The following AMMECR1 variants were observed in gnomAD, a reference collection of about 807,000 sequenced individuals.
AMMECR1 encodes AMMECR nuclear protein 1, also known as nuclear protein AMMECR1.
AMMECR1 carries 3 observed loss-of-function variants against 22.5 expected under a neutral mutation model. The observed-to-expected ratio is 0.13, with a 90% confidence interval of 0.06 to 0.35. AMMECR1 has a LOEUF of 0.35. Ranked by LOEUF, AMMECR1 falls within the 10% of genes least tolerant of loss-of-function variation. AMMECR1 has a pLI of 1.00. For synonymous variants in AMMECR1, 130 were observed against 116.7 expected (o/e 1.11, Z -0.74); for missense variants, 235 against 278.7 (o/e 0.84, Z 1.12).
chrX:110,237,999 C>T (rs1327051574), intron 2 of AMMECR1, among the ~76,000 whole-genome samples: 1 of 111,816 alleles, frequency 8.9e-6, no homozygotes, highest in Middle Eastern at 4.6e-3. Flanking sequence ...ACAGGACTTG[C>T]TTAAAGAGAA....
chrX:110,371,012 C>T (rs1435711694), intron 2 of AMMECR1, among the ~76,000 whole-genome samples: 1 of 111,796 alleles, frequency 8.9e-6, no homozygotes, highest in Non-Finnish European at 1.9e-5. Context: ...AGATTCCTTG[C>T]TATTATTCCT....
chrX:110,403,476 G>A (rs181012556), intron 2 of AMMECR1, among the ~76,000 whole-genome samples: 16 of 110,874 alleles, frequency 1.4e-4, no homozygotes, highest in South Asian at 1.2e-3. Context: ...ACGCATGCGC[G>A]CACACACATG....
chrX:110,391,566 G>A (rs776571162), intron 2 of AMMECR1, among the ~76,000 whole-genome samples: 2 of 111,863 alleles, frequency 1.8e-5, no homozygotes, highest in Non-Finnish European at 3.8e-5. Context: ...CTCAGGCTAC[G>A]ACTCTATGGC....
At chrX:110,329,112 C>G (rs1376052385) in intron 2 of AMMECR1, among the ~76,000 whole-genome samples, 1 of 112,380 alleles carries the variant, frequency 8.9e-6, no homozygotes, top group African/African-American at 3.2e-5. Context: ...TTCTCCACAT[C>G]CTCTCCAGCA....
intron 2 of AMMECR1, among the ~76,000 whole-genome samples, chrX:110,237,245 A>T (rs1023214518): frequency 1.5e-4 from 17 of 111,357 alleles, no homozygotes; most frequent in Admixed American, 3.8e-4. Flanking sequence ...GACTCTTTAG[A>T]TGAACATGGG....
chrX:110,355,894 A>G (rs1467645653), intron 2 of AMMECR1, among the ~76,000 whole-genome samples: 3 of 111,816 alleles, frequency 2.7e-5, no homozygotes, highest in Non-Finnish European at 5.6e-5. Context: ...GGAATACTAT[A>G]TAGCCTTAAA....
intron 5 of AMMECR1, among the ~76,000 whole-genome samples, chrX:110,198,892 C>T (rs2067383949): frequency 9.0e-6 from 1 of 110,994 alleles, no homozygotes; most frequent in Non-Finnish European, 1.9e-5. Context: ...TTTATTGTCC[C>T]CTCAGCCCCA....
At chrX:110,306,327 A>T (rs187678550) in intron 1 of AMMECR1, among the ~76,000 whole-genome samples, 9 of 112,201 alleles carry the variant, frequency 8.0e-5, no homozygotes, top group African/African-American at 2.9e-4. Flanking sequence ...TAAAAAAATT[A>T]AAAAGTTACT....
chrX:110,248,367 C>T (rs930184185), intron 2 of AMMECR1, among the ~76,000 whole-genome samples: 1 of 108,203 alleles, frequency 9.2e-6, no homozygotes, highest in African/African-American at 3.4e-5. Flanking sequence ...TCTTGGGTGA[C>T]AGAGCGAGAT....
intron 1 of AMMECR1, among the ~76,000 whole-genome samples, chrX:110,433,421 A>C (rs2068813212): frequency 9.0e-6 from 1 of 111,697 alleles, no homozygotes; most frequent in African/African-American, 3.3e-5. Context: ...CATCTGTCTT[A>C]TCGCAGGCCT....
At chrX:110,259,299 TTAG>T (rs2067726561) in intron 2 of AMMECR1, among the ~76,000 whole-genome samples, 1 of 111,661 alleles carries the variant, frequency 9.0e-6, no homozygotes, top group Non-Finnish European at 1.9e-5. Context: ...TGCTAATTTC[TTAG>T]AATTAAGTAG....
intron 2 of AMMECR1, among the ~76,000 whole-genome samples, chrX:110,251,261 A>C (rs1237783578): frequency 8.9e-6 from 1 of 111,983 alleles, no homozygotes; most frequent in Admixed American, 9.5e-5. Context: ...GTTAAGTGTT[A>C]TAATAGAGGC....
chrX:110,437,404 A>G (rs755225933), intron 1 of AMMECR1, among the ~76,000 whole-genome samples: 15 of 112,337 alleles, frequency 1.3e-4, no homozygotes, highest in African/African-American at 4.8e-4. Context: ...ACATTATATG[A>G]TAGCTCCTAT....
At chrX:110,290,287 C>CT (rs1038760898) in intron 1 of AMMECR1, among the ~76,000 whole-genome samples, 7 of 111,480 alleles carry the variant, frequency 6.3e-5, no homozygotes, top group African/African-American at 2.0e-4. Context: ...TTGCCTCCCC[C>CT]GTTTTATTCA....
chrX:110,200,077 G>A (rs1016597011), intron 5 of AMMECR1, among the ~76,000 whole-genome samples: 7 of 110,843 alleles, frequency 6.3e-5, no homozygotes, highest in Admixed American at 3.8e-4. Flanking sequence ...CTTCCTTAAG[G>A]GAATCACTTT....
rs938015837 is a variant in AMMECR1, at chrX:110,243,109, C to T, written c.584+21380G>A. 3.6e-5 allele frequency among the ~76,000 whole-genome samples: 4 copies of T among 112,320 alleles called. No homozygotes were observed. In the East Asian group the frequency reaches 8.3e-4, roughly 23 times the overall value. ...TTGTGGTACTAGCTATTCATTTTCA[C>T]TGCATTATATGAATGTTGCTCAAAA... On this transcript the variant is annotated intron_variant, in intron 2 of 5. Transcript: ENST00000262844.
At chrX:110,204,089 C>T (rs557104341) in intron 3 of AMMECR1, among the ~76,000 whole-genome samples, 24 of 111,382 alleles carry the variant, frequency 2.2e-4, no homozygotes, top group African/African-American at 7.5e-4. Context: ...TCAGGCATTT[C>T]CAGGATAAAG....
At chrX:110,239,955 C>T (rs180733896) in intron 2 of AMMECR1, among the ~76,000 whole-genome samples, 1 of 111,688 alleles carries the variant, frequency 9.0e-6, no homozygotes, top group Non-Finnish European at 1.9e-5. Flanking sequence ...TCCAGCCAAA[C>T]TAAGCTTCAT....
intron 1 of AMMECR1, among the ~76,000 whole-genome samples, chrX:110,290,975 G>A (rs912646848): frequency 1.8e-5 from 2 of 111,300 alleles, no homozygotes; most frequent in Non-Finnish European, 3.8e-5. Flanking sequence ...AATAATTTTG[G>A]TTTAAAAATT....
Sources: allele counts gnomAD v4.1 joint callset (sites outside exome capture counted in the v4.1 genomes callset), GRCh38; gene constraint gnomAD v4.1.1; transcripts MANE v1.5; gene names NCBI Gene and HGNC (gene_info 2026-07-23, HGNC 2026-07-21).